Variants in USP16 observed in about 807,000 individuals in gnomAD.
USP16 encodes ubiquitin specific peptidase 16.
In USP16, 77 loss-of-function variants were observed where a neutral mutation model predicts 95.9. The ratio of observed to expected loss-of-function variants is 0.80; its 90% confidence interval spans 0.67 to 0.97. The LOEUF (loss-of-function observed/expected upper bound fraction) is 0.97. USP16 is among the 50% of genes least tolerant of loss of function. The pLI is 0.00. For missense variants in USP16, 943 were observed against 959.9 expected, an observed-to-expected ratio of 0.98 and a Z score of 0.23; for synonymous variants, 303 against 318.2, an observed-to-expected ratio of 0.95 and a Z score of 0.51.
intron 16 of USP16, 90 bp from the exon 17 acceptor site, chr21:29,053,712 A>C (rs1247774829): frequency 7.5e-7 from 1 of 1,336,818 alleles, no homozygotes; most frequent in Admixed American, 2.2e-5. Flanking sequence ...TAATGGTTAA[A>C]GACCCTTTGC....
intron 2 of USP16, among the ~76,000 whole-genome samples, chr21:29,029,786 C>T (rs1344424926): frequency 1.3e-5 from 2 of 152,116 alleles, no homozygotes; most frequent in East Asian, 1.9e-4. Context: ...TCCCTGAGGT[C>T]GCAGTTTAAA....
rs370303209 is a variant in USP16, at chr21:29,050,187, A to G, written c.2193+9A>G. 7.6e-5 allele frequency: 122 copies of G among 1,610,974 alleles called. 1 individual carries two copies. The African/African-American group carries it at 1.2e-3, about 16-fold the overall frequency. Reference sequence around the variant, plus strand: ...GCACCCTTAAATGTAAGGTAAGTCAAAGTGGTCTTTTTCAGGAAAGTCCTT... The same window carrying G: ...GCACCCTTAAATGTAAGGTAAGTCAGAGTGGTCTTTTTCAGGAAAGTCCTT... On this transcript the variant is annotated intron_variant, in intron 16 of 17. Transcript: ENST00000399976.
rs527617742 is a variant in USP16, at chr21:29,048,789, C to T, written c.2040C>T (p.Ala680=). The T allele has an allele frequency of 1.2e-6, 2 of 1,613,722 alleles. No homozygotes were observed. The highest frequency in any genetic ancestry group is 1.7e-5 in the Admixed American group (1 of 59,994). Residue 680 remains alanine, a synonymous_variant, in exon 15 of 18, where the codon GCC becomes GCT. Transcript: ENST00000399976. ...AAAGGAAGCATGTTTACACCAATGC[C>T]AAAAAGCAGATGCTAATTTCTCTTG... ...KGERKHVYTN[A]KKQMLISLAP... is the part of the protein sequence containing the mutation.
At chr21:29,036,407 A>G (rs1359990256) in intron 5 of USP16, 33 bp downstream of exon 5, 2 of 1,577,204 alleles carry the variant, frequency 1.3e-6, no homozygotes, top group Non-Finnish European at 8.7e-7. Context: ...TATACACCAA[A>G]TGTCGATTTG....
At chr21:29,051,745 T>C (rs1384904647) in intron 16 of USP16, among the ~76,000 whole-genome samples, 2 of 151,746 alleles carry the variant, frequency 1.3e-5, no homozygotes, top group Non-Finnish European at 2.9e-5. Flanking sequence ...GCAGGAGAAT[T>C]GCTGGAACCT....
chr21:29,026,461 A>G (rs2084989348), intron 1 of USP16: 2 of 151,048 alleles, frequency 1.3e-5, no homozygotes, highest in African/African-American at 4.8e-5. Flanking sequence ...GTCTCAAAAA[A>G]AAAAAAAAAA....
chr21:29,031,501 C>A (rs1471731705), intron 3 of USP16, among the ~76,000 whole-genome samples: 1 of 152,100 alleles, frequency 6.6e-6, no homozygotes, highest in Admixed American at 6.5e-5. Context: ...TGCAGTGGCA[C>A]AATCTTGGCT....
chr21:29,041,989 T>G (rs1009105806), intron 10 of USP16, 24 bp from the exon 11 acceptor site: 1 of 1,596,094 alleles, frequency 6.3e-7, no homozygotes, highest in Non-Finnish European at 8.6e-7. Flanking sequence ...AATTGGTAAT[T>G]GATAGACTTT....
intron 7 of USP16, among the ~76,000 whole-genome samples, chr21:29,038,695 T>A (rs2085199397): frequency 6.6e-6 from 1 of 152,248 alleles, no homozygotes; most frequent in Admixed American, 6.5e-5. Flanking sequence ...AGGCTTACAT[T>A]ATTATTTTTA....
rs2085253512 is a variant in USP16 at position 29,042,107 on chromosome 21, A to T, written c.1122+3A>T. Reference sequence around the variant, plus strand: ...TCATGTGTGATCAATGCAGAACTGTAAGTAGATGTCATGTATACTGGGTTT... The same window carrying T: ...TCATGTGTGATCAATGCAGAACTGTTAGTAGATGTCATGTATACTGGGTTT... On this transcript the variant is annotated splice_donor_region_variant and intron_variant, in intron 11 of 17. Coordinates refer to ENST00000399976, the MANE Select transcript of USP16 (RefSeq NM_006447.3). 1 of 1,608,678 alleles carries T rather than the reference A, an allele frequency of 6.2e-7. No individual in the cohort carries two copies. Among genetic ancestry groups the T allele is most frequent in the Admixed American group, 1.7e-5 (1 of 59,290 alleles).
At chr21:29,039,442 G>C (rs1446332726) in intron 8 of USP16, 39 bp from the exon 9 acceptor site, 1 of 1,593,186 alleles carries the variant, frequency 6.3e-7, no homozygotes, top group Non-Finnish European at 8.6e-7. Context: ...GAGCTTAGTA[G>C]ACTGAAGATT....
intron 3 of USP16, among the ~76,000 whole-genome samples, chr21:29,031,239 C>T (rs2085072254): frequency 6.6e-6 from 1 of 152,140 alleles, no homozygotes; most frequent in South Asian, 2.1e-4. Context: ...ATGAGTAGTA[C>T]CTTGATCTTT....
rs2085214375 is a variant in USP16 at position 29,039,584 on chromosome 21, C to A, written c.951+16C>A. ...AGAACACCAAGTTAGCATGTTATGA[C>A]CATTGTATTTTATGATCTTATCTTC... On this transcript the variant is annotated intron_variant, in intron 9 of 17. Transcript: ENST00000399976. 6.2e-7 allele frequency: 1 copy of A among 1,605,248 alleles called. No homozygotes were observed. Among genetic ancestry groups the A allele is most frequent in the Non-Finnish European group, 8.5e-7 (1 of 1,173,606 alleles).
intron 11 of USP16, 83 bp from the exon 12 acceptor site, chr21:29,042,389 C>G: frequency 1.5e-6 from 2 of 1,348,870 alleles, no homozygotes; most frequent in Non-Finnish European, 2.1e-6. Flanking sequence ...TCCCCTACTC[C>G]CCATCCCACA....
chr21:29,028,123 CT>C (rs35801969), intron 2 of USP16, 149 bp downstream of exon 2: 21,373 of 424,556 alleles, frequency 0.05, 2 homozygotes, highest in East Asian at 0.1. Flanking sequence ...TAGTCTTCTA[CT>C]TTTTTTTTTT....
At chr21:29,049,372 AT>A (rs1341869338) in intron 15 of USP16, among the ~76,000 whole-genome samples, 1 of 152,142 alleles carries the variant, frequency 6.6e-6, no homozygotes, top group Non-Finnish European at 1.5e-5. Context: ...TGTGGTTGGT[AT>A]GGGCTTGACT....
intron 7 of USP16, among the ~76,000 whole-genome samples, chr21:29,038,714 A>G (rs1359705707): frequency 1.3e-5 from 2 of 152,196 alleles, no homozygotes; most frequent in Non-Finnish European, 2.9e-5. Context: ...TAACATCTTT[A>G]AGGTGACTTA....
intron 16 of USP16, among the ~76,000 whole-genome samples, chr21:29,050,829 C>T (rs1000773616): frequency 2.0e-5 from 3 of 152,084 alleles, no homozygotes; most frequent in African/African-American, 7.2e-5. Flanking sequence ...CAGTGGGGAG[C>T]CCTGAGGAGT....
Position 29,042,512 on chromosome 21 carries a change from C to T in USP16, c.1163C>T (p.Pro388Leu), listed in dbSNP as rs2085259649. ...GAATCTTTCCTTGATTTGTCCCTCC[C>T]AGTTTTAGATGATCAGGTAAGACTA... The part of the protein sequence containing the change: ...VHESFLDLSL[P>L]VLDDQSGKKS... Residue 388 changes from proline to leucine, a missense_variant, in exon 12 of 18, where the codon CCA becomes CTA. By Grantham distance (98) the Pro-to-Leu change is moderately conservative. Coordinates refer to ENST00000399976, the MANE Select transcript of USP16 (RefSeq NM_006447.3). 4.4e-6 allele frequency: 7 copies of T among 1,601,752 alleles called. No homozygotes were observed. Among genetic ancestry groups the T allele is most frequent in the Admixed American group, 1.8e-5 (1 of 56,758 alleles).
Sources: allele counts gnomAD v4.1 joint callset (sites outside exome capture counted in the v4.1 genomes callset), GRCh38; gene constraint gnomAD v4.1.1; transcripts MANE v1.5; gene names NCBI Gene and HGNC (gene_info 2026-07-23, HGNC 2026-07-21).